Variants in VPS4B observed in about 807,000 individuals in gnomAD.
The protein encoded by VPS4B is vacuolar protein sorting 4 homolog B.
Under a neutral mutation model 56.1 loss-of-function variants are expected in VPS4B, and 23 were observed. The observed-to-expected ratio is 0.41, with a 90% CI of 0.30 to 0.58. The LOEUF (loss-of-function observed/expected upper bound fraction) is 0.58, where lower values mean the gene tolerates loss of function less well. Ranked by LOEUF, VPS4B falls within the 20% of genes least tolerant of loss-of-function variation. The pLI, the probability that VPS4B is intolerant of heterozygous loss-of-function variation, is 0.29. For synonymous variants in VPS4B, 177 were observed against 186.0 expected (o/e 0.95, Z 0.39); for missense variants, 372 against 531.9 (o/e 0.70, Z 2.96).
In VPS4B at chr18:63,422,224, C is replaced by A; in HGVS notation, c.27+9G>T. 1 of 1,511,386 alleles carries A rather than the reference C, an allele frequency of 6.6e-7. No individual in the cohort carries two copies. The allele number at this position is 1,511,386 out of a possible 1,614,324, so 93.6% of individuals were successfully genotyped here. A position where few individuals can be genotyped will look rare whatever the true frequency, so the allele number is the denominator to read the frequency against. ...GCTCCCTAGGGGGACGGGAGATGAG[C>A]AATGATACCTGGAGGTTGGGCGAAG... On this transcript the variant is annotated intron_variant, in intron 1 of 10. Transcript: ENST00000238497.
At chr18:63,400,432 T>G in intron 6 of VPS4B, 115 bp downstream of exon 6, 6 of 1,191,818 alleles carry the variant, frequency 5.0e-6, no homozygotes, top group Non-Finnish European at 5.7e-6. Context: ...GAGAAGTGAG[T>G]ACCTGTATTA....
At chr18:63,392,059 T>C (rs1050702556) in intron 10 of VPS4B, among the ~76,000 whole-genome samples, 1 of 152,156 alleles carries the variant, frequency 6.6e-6, no homozygotes, top group East Asian at 1.9e-4. Context: ...CAGATAAGCA[T>C]TATGGTTAGT....
chr18:63,417,392 C>T (rs1916192826), intron 1 of VPS4B, among the ~76,000 whole-genome samples: 1 of 152,064 alleles, frequency 6.6e-6, no homozygotes, highest in South Asian at 2.1e-4. Context: ...TCTTCTTGAT[C>T]TTCTGACATT....
At chr18:63,409,394 C>A (rs537073714) in intron 3 of VPS4B, among the ~76,000 whole-genome samples, 1 of 152,142 alleles carries the variant, frequency 6.6e-6, no homozygotes, top group Non-Finnish European at 1.5e-5. Flanking sequence ...AAATAACCTG[C>A]GCCACTGCAT....
At chr18:63,417,357 A>C (rs1041517427) in intron 1 of VPS4B, among the ~76,000 whole-genome samples, 1 of 152,046 alleles carries the variant, frequency 6.6e-6, no homozygotes, top group Non-Finnish European at 1.5e-5. Flanking sequence ...GCTCTCTAGC[A>C]TGCTAGATCC....
At chr18:63,393,273 T>A (rs1915595548) in intron 10 of VPS4B, 136 bp downstream of exon 10, 3 of 829,624 alleles carry the variant, frequency 3.6e-6, no homozygotes, top group African/African-American at 1.8e-5. Flanking sequence ...ATTAACTTCA[T>A]AATTTTTAAT....
chr18:63,421,020 C>G (rs1475420176), intron 1 of VPS4B, among the ~76,000 whole-genome samples: 1 of 140,254 alleles, frequency 7.1e-6, no homozygotes, highest in Admixed American at 7.5e-5. Flanking sequence ...CCTGGGCGAC[C>G]GTGCAAGACT....
intron 5 of VPS4B, among the ~76,000 whole-genome samples, chr18:63,402,796 T>C (rs1184038143): frequency 6.6e-6 from 1 of 152,204 alleles, no homozygotes; most frequent in East Asian, 1.9e-4. Context: ...AAACTGCACC[T>C]TGAAGCTAGG....
intron 1 of VPS4B, among the ~76,000 whole-genome samples, chr18:63,419,074 AC>A (rs1916233235): frequency 1.3e-5 from 2 of 152,118 alleles, no homozygotes; most frequent in African/African-American, 4.8e-5. Context: ...GTACTCAGAT[AC>A]CCAACCCAGA....
rs932305171 is a variant in VPS4B, at chr18:63,410,703, C to T, written c.140-257G>A. On this transcript the variant is annotated intron_variant, in intron 2 of 10. Transcript: ENST00000238497. ...GGTATATTAAGTTAATGTTAACTAA[C>T]AGGAAATTATTTAATATTCTGAAGC... Among the ~76,000 whole-genome samples, 6 of 152,252 alleles carry T rather than the reference C, an allele frequency of 3.9e-5. No homozygotes were observed. In the South Asian group the frequency reaches 1.2e-3, roughly 32 times the overall value.
In VPS4B at chr18:63,391,962, C is replaced by T. The variant is rs540770429; in HGVS notation, c.1234-886G>A. On this transcript the variant is annotated intron_variant, in intron 10 of 10. Coordinates refer to ENST00000238497, the MANE Select transcript of VPS4B (RefSeq NM_004869.4). The stretch of plus-strand genomic sequence containing the variant: ...TAATGAAAAGGACCACTCTAAGTTA[C>T]TAAAAATTCTTCAAAGCTGAACAAA... 4.6e-5 allele frequency among the ~76,000 whole-genome samples: 7 copies of T among 152,248 alleles called. No homozygotes were observed. The East Asian group carries it at 1.2e-3, about 25-fold the overall frequency.
intron 5 of VPS4B, among the ~76,000 whole-genome samples, chr18:63,402,778 T>C (rs748576537): frequency 2.0e-5 from 3 of 152,204 alleles, no homozygotes; most frequent in Non-Finnish European, 2.9e-5. Context: ...CTCCTGAAGT[T>C]GGGTAGTAAA....
chr18:63,401,295 C>G (rs1490396665), intron 5 of VPS4B, among the ~76,000 whole-genome samples: 3 of 152,138 alleles, frequency 2.0e-5, no homozygotes, highest in Non-Finnish European at 4.4e-5. Flanking sequence ...ACTCTTGTTG[C>G]CCAGGCTGGA....
In VPS4B at chr18:63,400,185, T is replaced by C. The variant is rs1915779066; in HGVS notation, c.653A>G (p.Asn218Ser). 1 of 1,597,370 alleles carries C rather than the reference T, an allele frequency of 6.3e-7. No homozygotes were observed. The highest frequency in any genetic ancestry group is 8.5e-7 in the Non-Finnish European group (1 of 1,175,922). Residue 218 changes from asparagine to serine, a missense_variant, in exon 7 of 11, where the codon AAT becomes AGT. Physicochemically the swap from Asn to Ser is conservative, Grantham distance 46. This residue lies in a region of VPS4B where 66 missense variants were observed against 150.7 expected (regional missense o/e 0.44). Coordinates refer to ENST00000238497, the MANE Select transcript of VPS4B (RefSeq NM_004869.4). ...WLGESEKLVK[N>S]LFQLARENKP... ...GTTCTCTCTGGCAAGTTGGAATAAA[T>C]TCTTAACCAGTCTAAAAATAAATGA... is the stretch of plus-strand genomic sequence containing the variant.
chr18:63,414,993 G>T lies in VPS4B; in HGVS notation c.28-3415C>A, dbSNP rs1916131217. Among the ~76,000 whole-genome samples, 3 of 152,224 alleles carry T rather than the reference G, an allele frequency of 2.0e-5. No individual in the cohort carries two copies. The South Asian group carries it at 6.2e-4, about 32-fold the overall frequency. On this transcript the variant is annotated intron_variant, in intron 1 of 10. Coordinates refer to ENST00000238497, the MANE Select transcript of VPS4B (RefSeq NM_004869.4). The stretch of plus-strand genomic sequence containing the variant: ...TATATGGCTTCTGAGCACTTGAAAT[G>T]TGGCTAGTGTGACTGAGGAGTGAGT...
intron 1 of VPS4B, among the ~76,000 whole-genome samples, chr18:63,416,789 A>C (rs569252163): frequency 2.0e-5 from 3 of 152,144 alleles, no homozygotes; most frequent in African/African-American, 7.2e-5. Context: ...TTCCACCTAG[A>C]ATGCTCTTCC....
chr18:63,409,807 T>C (rs1313953672), intron 3 of VPS4B, among the ~76,000 whole-genome samples: 2 of 152,064 alleles, frequency 1.3e-5, no homozygotes, highest in South Asian at 2.1e-4. Flanking sequence ...ATTGTTGGAG[T>C]TACTTTTCAT....
At chr18:63,419,820 A>G (rs1599369299) in intron 1 of VPS4B, among the ~76,000 whole-genome samples, 1 of 152,256 alleles carries the variant, frequency 6.6e-6, no homozygotes, top group African/African-American at 2.4e-5. Context: ...AACTGTGGAA[A>G]GTAAAACCAC....
chr18:63,408,191 T>G (rs1915959469), intron 3 of VPS4B, among the ~76,000 whole-genome samples: 1 of 152,200 alleles, frequency 6.6e-6, no homozygotes, highest in Admixed American at 6.5e-5. Context: ...TTAAACGTGA[T>G]GTAGAAATAG....
Sources: allele counts gnomAD v4.1 joint callset (sites outside exome capture counted in the v4.1 genomes callset), GRCh38; gene constraint gnomAD v4.1.1; regional missense constraint gnomAD v4.1.1; transcripts MANE v1.5; gene names NCBI Gene and HGNC (gene_info 2026-07-23, HGNC 2026-07-21).